Variants in ATP2B1 observed in about 807,000 individuals in gnomAD.
ATP2B1 encodes plasma membrane calcium-transporting ATPase 1.
Under a neutral mutation model 124.2 loss-of-function variants are expected in ATP2B1, and 14 were observed. The observed-to-expected ratio is 0.11, with a 90% CI of 0.07 to 0.18. The LOEUF (loss-of-function observed/expected upper bound fraction) is 0.18, where lower values mean the gene tolerates loss of function less well. ATP2B1 is among the 10% of genes least tolerant of loss of function. The probability of loss-of-function intolerance (pLI) is 1.00; values close to 1 mark genes in which losing one functional copy is unlikely to be tolerated. For synonymous variants in ATP2B1, 449 were observed against 492.4 expected (o/e 0.91, Z 1.17); for missense variants, 763 against 1,466.1 (o/e 0.52, Z 7.83).
intron 15 of ATP2B1, among the ~76,000 whole-genome samples, chr12:89,609,412 C>G (rs1275062396): frequency 6.6e-6 from 1 of 151,728 alleles, no homozygotes; most frequent in African/African-American, 2.4e-5. Context: ...CAGTATTTTC[C>G]AAAAATAAAA....
At chr12:89,679,215 TTTTTA>T (rs1889049710) in intron 1 of ATP2B1, among the ~76,000 whole-genome samples, 1 of 152,204 alleles carries the variant, frequency 6.6e-6, no homozygotes, top group South Asian at 2.1e-4. Context: ...AGACTAAGAA[TTTTTA>T]TTTTATTATT....
At chr12:89,688,153 C>G (rs1286388622) in intron 1 of ATP2B1, among the ~76,000 whole-genome samples, 1 of 151,984 alleles carries the variant, frequency 6.6e-6, no homozygotes, top group Non-Finnish European at 1.5e-5. Flanking sequence ...GAATCTAACC[C>G]AAGGAGAAGA....
chr12:89,660,218 G>C (rs570585789), intron 1 of ATP2B1, among the ~76,000 whole-genome samples: 46 of 152,214 alleles, frequency 3.0e-4, no homozygotes, highest in African/African-American at 9.4e-4. Flanking sequence ...CGAAATTTTT[G>C]TTAGAAATTT....
chr12:89,660,760 T>TTTAAGAACAGTAA (rs1886608149), intron 1 of ATP2B1, among the ~76,000 whole-genome samples: 1 of 152,222 alleles, frequency 6.6e-6, no homozygotes, highest in African/African-American at 2.4e-5. Context: ...TTTACTGTTC[T>TTTAAGAACAGTAA]TTAAGAATAT....
intron 1 of ATP2B1, among the ~76,000 whole-genome samples, chr12:89,693,990 T>C (rs748487158): frequency 6.6e-6 from 1 of 152,148 alleles, no homozygotes; most frequent in Admixed American, 6.5e-5. Flanking sequence ...CCCATTCCAG[T>C]AGCATTCCAG....
At position 89,683,070 on chromosome 12, in the gene ATP2B1, T is replaced by C. The variant is rs954591221; in HGVS notation, c.-222+25526A>G. 2.6e-5 allele frequency among the ~76,000 whole-genome samples: 4 copies of C among 152,166 alleles called. No individual in the cohort carries two copies. The East Asian group carries it at 5.8e-4, about 22-fold the overall frequency. On this transcript the variant is annotated intron_variant, in intron 1 of 20. Transcript: ENST00000428670. Reference sequence around the variant, plus strand: ...TAAAAATAGCCCTTAAAAAATAAGATGTTCAACTTCACTCAAAAGAGAAAT... The same window carrying C: ...TAAAAATAGCCCTTAAAAAATAAGACGTTCAACTTCACTCAAAAGAGAAAT...
chr12:89,658,203 G>A (rs924050719), intron 1 of ATP2B1, among the ~76,000 whole-genome samples: 4 of 152,088 alleles, frequency 2.6e-5, no homozygotes, highest in Non-Finnish European at 5.9e-5. Context: ...TTGTTCATCC[G>A]TCCTCTGGTT....
At chr12:89,647,227 G>A (rs1471298901) in intron 2 of ATP2B1, among the ~76,000 whole-genome samples, 2 of 152,342 alleles carry the variant, frequency 1.3e-5, no homozygotes, top group East Asian at 3.9e-4. Flanking sequence ...GCATGGAATT[G>A]ATCTTCTTAT....
intron 5 of ATP2B1, among the ~76,000 whole-genome samples, chr12:89,634,111 G>C (rs1188947714): frequency 6.6e-6 from 1 of 152,026 alleles, no homozygotes; most frequent in Non-Finnish European, 1.5e-5. Flanking sequence ...GTTACTACAA[G>C]AGCCTCCCAA....
chr12:89,617,814 A>C (rs1349873957), intron 11 of ATP2B1, among the ~76,000 whole-genome samples: 1 of 152,192 alleles, frequency 6.6e-6, no homozygotes, highest in Non-Finnish European at 1.5e-5. Flanking sequence ...TGGATGAAAG[A>C]CTGGAAGCTG....
At chr12:89,656,337 C>G (rs564676236) in intron 1 of ATP2B1, among the ~76,000 whole-genome samples, 1 of 152,288 alleles carries the variant, frequency 6.6e-6, no homozygotes, top group East Asian at 1.9e-4. Context: ...TTAAATAAAA[C>G]TGCACTTCAC....
intron 2 of ATP2B1, among the ~76,000 whole-genome samples, chr12:89,649,414 T>C (rs940783489): frequency 6.6e-6 from 1 of 152,258 alleles, no homozygotes; most frequent in Non-Finnish European, 1.5e-5. Context: ...GGAACTCTAA[T>C]GACTGTCCTG....
At chr12:89,610,593 C>G in intron 13 of ATP2B1, 85 bp from the exon 14 acceptor site, 2 of 1,111,318 alleles carry the variant, frequency 1.8e-6, no homozygotes, top group Non-Finnish European at 2.7e-6. Flanking sequence ...ATCAGTAGCT[C>G]TCAAAGTGTG....
rs1358062807 is a variant in ATP2B1 at position 89,589,377 on chromosome 12, A to G, written c.*1607T>C. ...AGAAGAAGGTAGATGAAGGAAAGAA[A>G]AAGAGAGCTAAAGAATCCAATTGGC... On this transcript the variant is annotated 3_prime_UTR_variant, in exon 21 of 21. Transcript: ENST00000428670. The G allele has an allele frequency of 6.6e-6, 1 of 152,384 alleles. No individual in the cohort carries two copies. The highest frequency in any genetic ancestry group is 1.5e-5 in the Non-Finnish European group (1 of 68,012). The allele number at this position is 152,384 out of a possible 1,614,324, so 9.4% of individuals were successfully genotyped here. A position where few individuals can be genotyped will look rare whatever the true frequency, so the allele number is the denominator to read the frequency against.
rs557251043 is a variant in ATP2B1, at chr12:89,684,059, A to AG, written c.-222+24536dup. ...GTGGAATTTCCAAGATATATCCATT[A>AG]GGGGGGAAAAAAAGCAAAGTACAAA... On this transcript the variant is annotated intron_variant, in intron 1 of 20. Coordinates refer to ENST00000428670, the MANE Select transcript of ATP2B1 (RefSeq NM_001366521.1). Among the ~76,000 whole-genome samples the AG allele has an allele frequency of 1.4e-3, 210 of 152,280 alleles. 1 individual carries two copies. Among genetic ancestry groups the AG allele is most frequent in the African/African-American group, 4.6e-3 (190 of 41,566 alleles).
intron 18 of ATP2B1, among the ~76,000 whole-genome samples, chr12:89,601,753 A>G (rs1199153967): frequency 1.3e-5 from 2 of 152,226 alleles, no homozygotes; most frequent in Admixed American, 1.3e-4. Context: ...TAATAATTTT[A>G]TACTGTTTCC....
rs1334562908 is a variant in ATP2B1, at chr12:89,655,663, G to C, written c.208+16C>G. The stretch of plus-strand genomic sequence containing the variant: ...TCTTTGCACAAAGAACCAAAAACAA[G>C]CATAATAAAACTCACCTTCATTGGG... On this transcript the variant is annotated intron_variant, in intron 2 of 20. Coordinates refer to ENST00000428670, the MANE Select transcript of ATP2B1 (RefSeq NM_001366521.1). 1 of 1,610,136 alleles carries C rather than the reference G, an allele frequency of 6.2e-7. No individual in the cohort carries two copies. The highest frequency in any genetic ancestry group is 1.7e-5 in the Admixed American group (1 of 59,964).
At chr12:89,631,491 C>T (rs1881852916) in intron 5 of ATP2B1, among the ~76,000 whole-genome samples, 1 of 152,148 alleles carries the variant, frequency 6.6e-6, no homozygotes, top group East Asian at 1.9e-4. Context: ...ACTGCAATAG[C>T]CCCCTACCTA....
At chr12:89,630,372 AG>A in intron 6 of ATP2B1, 132 bp downstream of exon 6, 1 of 768,504 alleles carries the variant, frequency 1.3e-6, no homozygotes, top group South Asian at 2.9e-5. Context: ...CATGCTATTA[AG>A]TCTAATAGAA....
Sources: allele counts gnomAD v4.1 joint callset (sites outside exome capture counted in the v4.1 genomes callset), GRCh38; gene constraint gnomAD v4.1.1; transcripts MANE v1.5; gene names NCBI Gene and HGNC (gene_info 2026-07-23, HGNC 2026-07-21).